NMT2: variants seen among roughly 807,000 people sequenced by gnomAD.
The protein encoded by NMT2 is glycylpeptide N-tetradecanoyltransferase 2.
A neutral mutation model predicts 65.4 loss-of-function variants in NMT2; 35 were observed. The ratio of observed to expected loss-of-function variants is 0.54; its 90% CI spans 0.41 to 0.71. NMT2 has a LOEUF of 0.71. Among genes scored for constraint, NMT2 ranks in the 30% least tolerant of loss-of-function variants. The pLI, the probability that NMT2 is intolerant of heterozygous loss-of-function variation, is 0.00. For synonymous variants in NMT2, 226 were observed against 231.8 expected, an observed-to-expected ratio of 0.98 and a Z score of 0.23; for missense variants, 489 against 611.3, an observed-to-expected ratio of 0.80 and a Z score of 2.11.
At chr10:15,152,870 G>A (rs554767874) in intron 1 of NMT2, among the ~76,000 whole-genome samples, 3 of 152,258 alleles carry the variant, frequency 2.0e-5, no homozygotes, top group Non-Finnish European at 2.9e-5. Context: ...ATATTCATCA[G>A]GAAATAGTCT....
intron 2 of NMT2, chr10:15,139,872 TATATATATATATATATATA>T: frequency 1.8e-5 from 1 of 54,752 alleles, no homozygotes; most frequent in Non-Finnish European, 3.2e-5. Context: ...ACTATATATA[TATATATATATATATATATA>T]TATATATATA....
intron 3 of NMT2, 82 bp downstream of exon 3, chr10:15,135,192 T>TTTGTTGTTGTTG (rs574625256): frequency 8.0e-7 from 1 of 1,247,738 alleles, no homozygotes; most frequent in Non-Finnish European, 1.2e-6. Flanking sequence ...CTCTTTGTGT[T>TTTGTTGTTGTTG]TTGTTGTTGT....
chr10:15,168,634 G>T lies in NMT2; in HGVS notation c.-22C>A. 6.4e-7 allele frequency: 1 copy of T among 1,561,280 alleles called. No homozygotes were observed. The highest frequency in any genetic ancestry group is 8.6e-7 in the Non-Finnish European group (1 of 1,159,030). On this transcript the variant is annotated 5_prime_UTR_variant, in exon 1 of 12. Coordinates refer to ENST00000378165, the MANE Select transcript of NMT2 (RefSeq NM_004808.3). ...CCATCGCGGCGGCGCTGGCTGGGGAGGCGGTGCTCGGGGCCGGGCCGGAGC... is the reference window on the plus strand; with the variant it reads ...CCATCGCGGCGGCGCTGGCTGGGGATGCGGTGCTCGGGGCCGGGCCGGAGC...
rs1845344314 is a variant in NMT2, at chr10:15,107,493, C to A, written c.*1702G>T. On this transcript the variant is annotated 3_prime_UTR_variant, in exon 12 of 12. Coordinates refer to ENST00000378165, the MANE Select transcript of NMT2 (RefSeq NM_004808.3). The stretch of plus-strand genomic sequence containing the variant: ...TTTGAGACGGAGTCTTGCACTGTCA[C>A]CCAGGCTGGAGTGCAGTGGCACGAT... 5.2e-6 allele frequency: 5 copies of A among 966,624 alleles called. No homozygotes were observed. The highest frequency in any genetic ancestry group is 6.2e-6 in the Non-Finnish European group (5 of 812,826). 59.9% of individuals were successfully genotyped at this position (966,624 alleles called of 1,614,324 possible). A position where few individuals can be genotyped will look rare whatever the true frequency, so the allele number is the denominator to read the frequency against.
In NMT2 at chr10:15,130,135, C is replaced by T; in HGVS notation, c.890+7G>A. ...GAGGACCTGAGGTAGAAATATGGTACTGGTACCTGCATGTGGCTATGGGCT... is the reference window on the plus strand; with the variant it reads ...GAGGACCTGAGGTAGAAATATGGTATTGGTACCTGCATGTGGCTATGGGCT... On this transcript the variant is annotated splice_region_variant and intron_variant, in intron 7 of 11. Coordinates refer to ENST00000378165, the MANE Select transcript of NMT2 (RefSeq NM_004808.3). 1.3e-6 allele frequency: 2 copies of T among 1,491,152 alleles called. No homozygotes were observed. The highest frequency in any genetic ancestry group is 1.8e-6 in the Non-Finnish European group (2 of 1,114,532). The allele number at this position is 1,491,152 out of a possible 1,614,324, so 92.4% of individuals were successfully genotyped here.
rs574625256 is a variant in NMT2, at chr10:15,135,192, TTTGTTGTTG to T, written c.391+73_391+81del. ...CATGTGAAGTTAACACTCTTTGTGTTTTGTTGTTGTTGTTGTTGTTGTTGTTGTTGTTCA... is the reference window on the plus strand; with the variant it reads ...CATGTGAAGTTAACACTCTTTGTGTTTTGTTGTTGTTGTTGTTGTTGTTCA... On this transcript the variant is annotated intron_variant, in intron 3 of 11. Transcript: ENST00000378165. 3.2e-4 allele frequency: 395 copies of T among 1,247,842 alleles called. 4 individuals are homozygous for T. The highest frequency in any genetic ancestry group is 2.3e-3 in the South Asian group (186 of 82,532). 77.3% of individuals were successfully genotyped at this position (1,247,842 alleles called of 1,614,324 possible). A position where few individuals can be genotyped will look rare whatever the true frequency, so the allele number is the denominator to read the frequency against.
Position 15,148,841 on chromosome 10 carries a change from C to T in NMT2, c.111-7284G>A, listed in dbSNP as rs557652309. ...AAAAGAAGACTGACAGAAGAATGGG[C>T]TGACAATATGAATAAGCACTTGACA... is the stretch of plus-strand genomic sequence containing the variant. On this transcript the variant is annotated intron_variant, in intron 1 of 11. Coordinates refer to ENST00000378165, the MANE Select transcript of NMT2 (RefSeq NM_004808.3). 5.6e-4 allele frequency among the ~76,000 whole-genome samples: 85 copies of T among 152,136 alleles called. 1 individual carries two copies. The highest frequency in any genetic ancestry group is 2.1e-3 in the South Asian group (10 of 4,816).
rs547065289 is a variant in NMT2 at position 15,108,710 on chromosome 10, C to A, written c.*485G>T. ...CAGAAGTGTTGATTCCATAAATGTT[C>A]CCAGTGATACCATGTAAGGTGATAC... On this transcript the variant is annotated 3_prime_UTR_variant, in exon 12 of 12. Coordinates refer to ENST00000378165, the MANE Select transcript of NMT2 (RefSeq NM_004808.3). The A allele has an allele frequency of 1.0e-6, 1 of 996,504 alleles. No homozygotes were observed. The highest frequency in any genetic ancestry group is 4.5e-5 in the South Asian group (1 of 22,430). 61.7% of individuals were successfully genotyped at this position (996,504 alleles called of 1,614,324 possible).
rs557753427 is a variant in NMT2 at position 15,146,626 on chromosome 10, C to T, written c.111-5069G>A. ...CAAGGATGGCAGAGCCACACGATGG[C>T]GCAGTCTCGACCCTGGATGACAGAA... On this transcript the variant is annotated intron_variant, in intron 1 of 11. Coordinates refer to ENST00000378165, the MANE Select transcript of NMT2 (RefSeq NM_004808.3). Among the ~76,000 whole-genome samples the T allele has an allele frequency of 8.5e-5, 13 of 152,300 alleles. No individual in the cohort carries two copies. In the East Asian group the frequency reaches 1.7e-3, roughly 20 times the overall value.
At chr10:15,166,067 A>G (rs561538602) in intron 1 of NMT2, among the ~76,000 whole-genome samples, 2 of 152,232 alleles carry the variant, frequency 1.3e-5, no homozygotes, top group Admixed American at 6.5e-5. Flanking sequence ...CCATGAAAAT[A>G]AAAGAACAGC....
intron 1 of NMT2, among the ~76,000 whole-genome samples, chr10:15,149,114 TATC>T (rs1228231602): frequency 3.3e-5 from 5 of 149,356 alleles, no homozygotes; most frequent in Non-Finnish European, 7.4e-5. Context: ...TCGTCACCAT[TATC>T]ATCATCACCA....
chr10:15,136,703 A>C (rs948774823), intron 2 of NMT2, among the ~76,000 whole-genome samples: 1 of 152,140 alleles, frequency 6.6e-6, no homozygotes, highest in Admixed American at 6.5e-5. Flanking sequence ...GGGCAACCAT[A>C]GCCTGTCGTT....
chr10:15,128,487 A>G, intron 7 of NMT2, 29 bp from the exon 8 acceptor site: 1 of 1,340,272 alleles, frequency 7.5e-7, no homozygotes, highest in South Asian at 1.2e-5. Context: ...TTTAAAATCA[A>G]ATTGATTTCT....
chr10:15,109,325 G>A (rs1384776951), intron 11 of NMT2, 110 bp from the exon 12 acceptor site: 51 of 1,356,726 alleles, frequency 3.8e-5, no homozygotes, highest in African/African-American at 1.1e-4. Context: ...CTGTAATCCC[G>A]GCACTTTGGG....
chr10:15,147,210 C>A (rs1846998063), intron 1 of NMT2, among the ~76,000 whole-genome samples: 1 of 149,318 alleles, frequency 6.7e-6, no homozygotes, highest in African/African-American at 2.5e-5. Context: ...TATCAGGTAC[C>A]ACCAGAGGGA....
chr10:15,107,319 T>A lies in NMT2; in HGVS notation c.*1876A>T, dbSNP rs1039310386. The A allele has an allele frequency of 7.1e-6, 7 of 981,600 alleles. No individual in the cohort carries two copies. The African/African-American group carries it at 1.2e-4, about 17-fold the overall frequency. 60.8% of individuals were successfully genotyped at this position (981,600 alleles called of 1,614,324 possible). A position where few individuals can be genotyped will look rare whatever the true frequency, so the allele number is the denominator to read the frequency against. On this transcript the variant is annotated 3_prime_UTR_variant, in exon 12 of 12. Coordinates refer to ENST00000378165, the MANE Select transcript of NMT2 (RefSeq NM_004808.3). Reference sequence around the variant, plus strand: ...TGGATTTAGCCCACAGGCCATAGTTTGGTGGCCCCTGCCTGGGATAAGATA... The same window carrying A: ...TGGATTTAGCCCACAGGCCATAGTTAGGTGGCCCCTGCCTGGGATAAGATA...
intron 9 of NMT2, among the ~76,000 whole-genome samples, chr10:15,118,367 C>T (rs905162844): frequency 1.2e-4 from 19 of 152,140 alleles, no homozygotes; most frequent in Middle Eastern, 3.4e-3. Flanking sequence ...GGTGAAACCC[C>T]GACTCTACTA....
At position 15,112,944 on chromosome 10, in the gene NMT2, G is replaced by A; in HGVS notation, c.1190C>T (p.Thr397Ile). The change falls in exon 10 of 12, where the codon ACT (threonine) becomes ATT (isoleucine). Residue 397 changes from threonine (T) to isoleucine (I), a missense_variant. Coordinates refer to ENST00000378165, the MANE Select transcript of NMT2 (RefSeq NM_004808.3). ...FVVESPNGKL[T>I]DFLSFYTLPS... ...GAGCGTATAGAAGCTCAGGAAATCA[G>A]TCAGTTTACCGTTGGGGCTCTAGGA... 6.2e-7 allele frequency: 1 copy of A among 1,614,128 alleles called. No individual in the cohort carries two copies. The highest frequency in any genetic ancestry group is 1.1e-5 in the South Asian group (1 of 91,072).
chr10:15,127,943 T>G (rs904443687), intron 8 of NMT2, among the ~76,000 whole-genome samples: 1 of 151,936 alleles, frequency 6.6e-6, no homozygotes, highest in Non-Finnish European at 1.5e-5. Flanking sequence ...AACGAGATAG[T>G]TTAAGAAGAT....
Sources: gnomAD v4.1 joint callset for allele counts (sites outside exome capture counted in the v4.1 genomes callset) on GRCh38, gnomAD v4.1.1 for gene constraint, MANE v1.5 for transcripts, NCBI Gene and HGNC (gene_info 2026-07-23, HGNC 2026-07-21) for gene names.